Variants in PARD3B observed in about 807,000 individuals in gnomAD.
PARD3B encodes the protein partitioning defective 3 homolog B.
PARD3B carries 103 observed loss-of-function variants against 130.2 expected under a neutral mutation model. The observed-to-expected ratio is 0.79, with a 90% CI of 0.67 to 0.93. The LOEUF (loss-of-function observed/expected upper bound fraction) is 0.93, where lower values mean the gene tolerates loss of function less well. PARD3B is among the 40% of genes least tolerant of loss of function. The probability of loss-of-function intolerance (pLI) is 0.00; values close to 1 mark genes in which losing one functional copy is unlikely to be tolerated. For synonymous variants in PARD3B, 583 were observed against 553.2 expected, an observed-to-expected ratio of 1.05 and a Z score of -0.76; for missense variants, 1,609 against 1,499.2, an observed-to-expected ratio of 1.07 and a Z score of -1.21.
At position 204,677,641 on chromosome 2, in the gene PARD3B, C is replaced by T. The variant is rs562244788; in HGVS notation, c.121-8540C>T. Among the ~76,000 whole-genome samples the T allele has an allele frequency of 6.6e-6, 1 of 152,262 alleles. No individual in the cohort carries two copies. The highest frequency in any genetic ancestry group is 2.1e-4 in the South Asian group (1 of 4,826). On this transcript the variant is annotated intron_variant, in intron 1 of 22. Coordinates refer to ENST00000406610, the MANE Select transcript of PARD3B (RefSeq NM_001302769.2). The surrounding 1 kb of genome is among the most constrained non-coding windows in gnomAD (Gnocchi z 4.1). ...ACTTTGGCACAGAGTGAAACGATTC[C>T]TTGTTCTGTTCTCACACAGTCCTTG...
chr2:205,193,250 C>G lies in PARD3B; in HGVS notation c.2070C>G (p.Asn690Lys). The change falls in exon 15 of 23, where the codon AAC (asparagine) becomes AAG (lysine). Residue 690 changes from asparagine (N) to lysine (K), a missense_variant. Physicochemically the swap from Asn to Lys is moderately conservative, Grantham distance 94. Transcript: ENST00000406610. ...SAVYFPDQHI[N>K]FRSVTPARQP... ...TATATTTTCCAGATCAGCACATCAA[C>G]TTCAGATCTGTGACACCGGCCAGGC... 1.9e-6 allele frequency: 3 copies of G among 1,613,686 alleles called. No individual in the cohort carries two copies. The highest frequency in any genetic ancestry group is 2.5e-6 in the Non-Finnish European group (3 of 1,179,568).
chr2:204,899,525 T>C (rs1341220186), intron 2 of PARD3B, among the ~76,000 whole-genome samples: 1 of 152,184 alleles, frequency 6.6e-6, no homozygotes, highest in Non-Finnish European at 1.5e-5. Flanking sequence ...CACTTTAACT[T>C]TGTCCCTTCA....
intron 10 of PARD3B, among the ~76,000 whole-genome samples, chr2:205,133,810 G>T (rs1238761219): frequency 6.6e-6 from 1 of 152,064 alleles, no homozygotes; most frequent in South Asian, 2.1e-4. Flanking sequence ...ACTTTCTCAG[G>T]TCCAACTCGA....
intron 20 of PARD3B, among the ~76,000 whole-genome samples, chr2:205,498,077 G>A (rs189513701): frequency 1.3e-5 from 2 of 151,654 alleles, no homozygotes; most frequent in African/African-American, 4.8e-5. Flanking sequence ...GCAGGCGCCT[G>A]TAATCTCAGC....
At chr2:205,399,474 C>T (rs1243313290) in intron 18 of PARD3B, among the ~76,000 whole-genome samples, 4 of 151,680 alleles carry the variant, frequency 2.6e-5, no homozygotes, top group Non-Finnish European at 5.9e-5. Flanking sequence ...CCTGCCTCAG[C>T]CTTCTGAGTA....
At chr2:204,805,835 G>C (rs1463460124) in intron 2 of PARD3B, among the ~76,000 whole-genome samples, 2 of 152,018 alleles carry the variant, frequency 1.3e-5, no homozygotes, top group Admixed American at 6.6e-5. Context: ...AATTGATGCT[G>C]AAAAAGCATT....
At chr2:204,637,415 A>G (rs1317534094) in intron 1 of PARD3B, among the ~76,000 whole-genome samples, 11 of 152,154 alleles carry the variant, frequency 7.2e-5, no homozygotes, top group Non-Finnish European at 1.3e-4. Flanking sequence ...CTCCAGTTTC[A>G]GTATACCTGT....
At chr2:204,725,797 G>A (rs2125328448) in intron 2 of PARD3B, among the ~76,000 whole-genome samples, 1 of 152,246 alleles carries the variant, frequency 6.6e-6, no homozygotes, top group Non-Finnish European at 1.5e-5. Flanking sequence ...ATGCCCCTGA[G>A]GCCAACTCTG....
At position 205,116,777 on chromosome 2, in the gene PARD3B, ATCAG is replaced by A. The variant is rs2029874322; in HGVS notation, c.681-2138_681-2135del. On this transcript the variant is annotated intron_variant, in intron 6 of 22. Coordinates refer to ENST00000406610, the MANE Select transcript of PARD3B (RefSeq NM_001302769.2). The surrounding 1 kb of genome is among the most constrained non-coding windows in gnomAD (Gnocchi z 4.5). The stretch of plus-strand genomic sequence containing the variant: ...TGTTGCCAGGGACCAAACTAATAAA[ATCAG>A]TCAGTTTTACATTTTACCAAAATTA... Among the ~76,000 whole-genome samples the A allele has an allele frequency of 1.3e-5, 2 of 152,122 alleles. No individual in the cohort carries two copies. Among genetic ancestry groups the A allele is most frequent in the African/African-American group, 4.8e-5 (2 of 41,422 alleles).
intron 15 of PARD3B, among the ~76,000 whole-genome samples, chr2:205,221,340 G>A (rs1215955229): frequency 2.0e-5 from 3 of 152,146 alleles, no homozygotes; most frequent in Admixed American, 6.5e-5. Flanking sequence ...CCGGCTCTCC[G>A]TAAACATTCA....
At chr2:204,827,207 T>C (rs2043617046) in intron 2 of PARD3B, among the ~76,000 whole-genome samples, 1 of 152,328 alleles carries the variant, frequency 6.6e-6, no homozygotes, top group Non-Finnish European at 1.5e-5. Context: ...TATTGAAATA[T>C]TGTGTATTGA....
intron 1 of PARD3B, among the ~76,000 whole-genome samples, chr2:204,563,220 T>TCTCC (rs2031441731): frequency 1.4e-5 from 1 of 70,332 alleles, no homozygotes; most frequent in Non-Finnish European, 2.7e-5. Context: ...TCCCGCTGTC[T>TCTCC]CTCTCTCTCT....
rs1173413060 is a variant in PARD3B, at chr2:205,553,024, AAG to A, written c.3181-298_3181-297del. 2.6e-4 allele frequency among the ~76,000 whole-genome samples: 4 copies of A among 15,674 alleles called. No individual in the cohort carries two copies. In the East Asian group the frequency reaches 0.38, roughly 1,469 times the overall value. The allele number at this position is 15,674 out of a possible 152,430, so 10.3% of individuals were successfully genotyped here. ...TAAAAACTAAAGTCGGTTTTAAAAAAAGAAGAAGAAGAAGAAGAAGAAAATAG... is the reference window on the plus strand; with the variant it reads ...TAAAAACTAAAGTCGGTTTTAAAAAAAAGAAGAAGAAGAAGAAGAAAATAG... On this transcript the variant is annotated intron_variant, in intron 21 of 22. Transcript: ENST00000406610.
intron 15 of PARD3B, among the ~76,000 whole-genome samples, chr2:205,214,430 T>C (rs1048769338): frequency 2.6e-5 from 4 of 151,714 alleles, no homozygotes; most frequent in African/African-American, 9.7e-5. Flanking sequence ...TATTTAGAGA[T>C]TTTGTTCACC....
intron 4 of PARD3B, among the ~76,000 whole-genome samples, chr2:205,103,301 A>G (rs1477817833): frequency 6.9e-6 from 1 of 145,262 alleles, no homozygotes; most frequent in Non-Finnish European, 1.5e-5. Context: ...TATGTAAAAT[A>G]AACATATTTT....
rs186465793 is a variant in PARD3B, at chr2:204,951,498, G to T, written c.223-13654G>T. ...CATTGAAACACCACTTCTGTAGCCT[G>T]TTTATCTGGTCATTTAAATATTGTT... is the stretch of plus-strand genomic sequence containing the variant. On this transcript the variant is annotated intron_variant, in intron 2 of 22. Transcript: ENST00000406610. 7.9e-3 allele frequency among the ~76,000 whole-genome samples: 1,207 copies of T among 152,156 alleles called. 19 individuals are homozygous for T. The highest frequency in any genetic ancestry group is 0.026 in the African/African-American group (1,099 of 41,532).
At chr2:205,088,779 T>C (rs925737487) in intron 4 of PARD3B, among the ~76,000 whole-genome samples, 2 of 147,182 alleles carry the variant, frequency 1.4e-5, no homozygotes, top group African/African-American at 5.0e-5. Flanking sequence ...GTATATAGAA[T>C]GGTGCAACAC....
chr2:204,570,849 G>A (rs1463304721), intron 1 of PARD3B, among the ~76,000 whole-genome samples: 1 of 149,414 alleles, frequency 6.7e-6, no homozygotes, highest in African/African-American at 2.5e-5. Flanking sequence ...TGCAACTGAG[G>A]TGTATAAGCT....
intron 10 of PARD3B, among the ~76,000 whole-genome samples, chr2:205,155,917 T>A (rs1261617432): frequency 6.6e-6 from 1 of 152,074 alleles, no homozygotes; most frequent in Non-Finnish European, 1.5e-5. Context: ...TTGGGTAATG[T>A]ACCCAAAGGA....
Sources: gnomAD v4.1 joint callset for allele counts (sites outside exome capture counted in the v4.1 genomes callset) on GRCh38, gnomAD v4.1.1 for gene constraint, Gnocchi (gnomAD v3.1) non-coding constraint, MANE v1.5 for transcripts, NCBI Gene and HGNC (gene_info 2026-07-23, HGNC 2026-07-21) for gene names.